The following GOLGA1 variants were observed in gnomAD, a reference collection of about 807,000 sequenced individuals.
GOLGA1 encodes golgin subfamily A member 1.
In GOLGA1, 63 loss-of-function variants were observed where a neutral mutation model predicts 119.7. The observed-to-expected ratio is 0.53, with a 90% confidence interval of 0.43 to 0.65. The LOEUF is 0.65. Ranked by LOEUF, GOLGA1 falls within the 30% of genes least tolerant of loss-of-function variation. GOLGA1 has a pLI of 0.00. For missense variants in GOLGA1, 798 were observed against 912.8 expected, an observed-to-expected ratio of 0.87 and a Z score of 1.62; for synonymous variants, 318 against 333.4, an observed-to-expected ratio of 0.95 and a Z score of 0.50.
Position 124,938,566 on chromosome 9 carries a change from A to C in GOLGA1, c.135+11T>G. 6.2e-7 allele frequency: 1 copy of C among 1,602,022 alleles called. No homozygotes were observed. Among genetic ancestry groups the C allele is most frequent in the Non-Finnish European group, 8.5e-7 (1 of 1,171,932 alleles). ...CAAAAGTATCTTTATTTCTTAAGTA[A>C]AGGTACTTACAAAGTCATCTCCTGA... On this transcript the variant is annotated intron_variant, in intron 3 of 22. Transcript: ENST00000373555.
intron 7 of GOLGA1, among the ~76,000 whole-genome samples, chr9:124,923,506 T>A (rs896107624): frequency 7.9e-5 from 12 of 152,196 alleles, no homozygotes; most frequent in Admixed American, 1.3e-4. Context: ...GATGCATTGA[T>A]AATGGAAAGC....
intron 1 of GOLGA1, chr9:124,947,438 C>T (rs535607428): frequency 1.3e-5 from 2 of 152,192 alleles, no homozygotes; most frequent in Admixed American, 1.3e-4. Context: ...CTAATTTCAA[C>T]TCCAAATTAG....
At chr9:124,930,916 C>T (rs1830759276) in intron 4 of GOLGA1, among the ~76,000 whole-genome samples, 1 of 152,188 alleles carries the variant, frequency 6.6e-6, no homozygotes. Flanking sequence ...GTATGAGCTG[C>T]AGGAAGTGGC....
At chr9:124,932,797 C>A (rs1292652851) in intron 3 of GOLGA1, among the ~76,000 whole-genome samples, 1 of 152,152 alleles carries the variant, frequency 6.6e-6, no homozygotes, top group East Asian at 1.9e-4. Flanking sequence ...AGTGAAGACC[C>A]ACTTTCTGGT....
At chr9:124,937,873 A>G (rs1830908297) in intron 3 of GOLGA1, among the ~76,000 whole-genome samples, 1 of 152,066 alleles carries the variant, frequency 6.6e-6, no homozygotes, top group South Asian at 2.1e-4. Flanking sequence ...GCCTGAGCTC[A>G]GGAGTTTGAG....
At chr9:124,899,214 C>T (rs1830045759) in intron 14 of GOLGA1, 115 bp downstream of exon 14, 10 of 934,496 alleles carry the variant, frequency 1.1e-5, no homozygotes, top group Non-Finnish European at 1.6e-5. Context: ...AAAAAGCTGC[C>T]TTCTAAAGTG....
intron 3 of GOLGA1, among the ~76,000 whole-genome samples, chr9:124,938,366 C>G (rs745416556): frequency 1.7e-5 from 2 of 118,844 alleles, no homozygotes; most frequent in Non-Finnish European, 3.4e-5. Flanking sequence ...TGGAGAGGAA[C>G]TCACAGAAAA....
chr9:124,890,364 C>G, intron 16 of GOLGA1, 25 bp downstream of exon 16: 2 of 1,491,162 alleles, frequency 1.3e-6, no homozygotes, highest in South Asian at 1.1e-5. Context: ...GGGGACATCG[C>G]CCCTCAGCGT....
At chr9:124,895,362 G>GA (rs1383784296) in intron 15 of GOLGA1, among the ~76,000 whole-genome samples, 1 of 135,704 alleles carries the variant, frequency 7.4e-6, no homozygotes, top group South Asian at 2.5e-4. Context: ...CTCCACAACA[G>GA]ACTCTCCACA....
At chr9:124,913,272 G>A (rs1239824899) in intron 10 of GOLGA1, among the ~76,000 whole-genome samples, 2 of 152,030 alleles carry the variant, frequency 1.3e-5, no homozygotes, top group Admixed American at 1.3e-4. Context: ...GATGAGACAC[G>A]GAGCCTAACC....
intron 11 of GOLGA1, among the ~76,000 whole-genome samples, chr9:124,909,404 G>A (rs1830295684): frequency 6.6e-6 from 1 of 151,292 alleles, no homozygotes; most frequent in Non-Finnish European, 1.5e-5. Context: ...TCAGAAGTTC[G>A]AGACCAGCCT....
intron 13 of GOLGA1, 130 bp from the exon 14 acceptor site, chr9:124,899,608 T>C (rs1830056769): frequency 2.2e-6 from 2 of 903,200 alleles, no homozygotes; most frequent in East Asian, 5.3e-5. Flanking sequence ...CCCCCTGGCG[T>C]TGCTGAGGTC....
At chr9:124,908,900 T>C (rs1156280276) in intron 11 of GOLGA1, among the ~76,000 whole-genome samples, 2 of 152,158 alleles carry the variant, frequency 1.3e-5, no homozygotes, top group Non-Finnish European at 2.9e-5. Context: ...AAAATGATGA[T>C]GGGTTTAGGT....
chr9:124,914,164 A>G (rs1305018963), intron 10 of GOLGA1, among the ~76,000 whole-genome samples: 1 of 152,194 alleles, frequency 6.6e-6, no homozygotes, highest in African/African-American at 2.4e-5. Flanking sequence ...GTAATATAGC[A>G]GAAGCAGCTA....
chr9:124,890,011 T>C (rs1829819176), intron 16 of GOLGA1, among the ~76,000 whole-genome samples: 1 of 152,200 alleles, frequency 6.6e-6, no homozygotes, highest in South Asian at 2.1e-4. Flanking sequence ...ATGCAAAGTC[T>C]ACCTTCAAGG....
chr9:124,915,979 A>G (rs1830433893), intron 10 of GOLGA1, among the ~76,000 whole-genome samples: 1 of 151,234 alleles, frequency 6.6e-6, no homozygotes, highest in Non-Finnish European at 1.5e-5. Flanking sequence ...GCATGTGCCT[A>G]TAGTCCCAGC....
At chr9:124,907,298 T>C (rs1171524660) in intron 12 of GOLGA1, among the ~76,000 whole-genome samples, 1 of 152,216 alleles carries the variant, frequency 6.6e-6, no homozygotes, top group African/African-American at 2.4e-5. Flanking sequence ...AATTTCTCCA[T>C]ATTTAGATCC....
At chr9:124,917,635 G>A (rs1023187460) in intron 10 of GOLGA1, among the ~76,000 whole-genome samples, 8 of 152,082 alleles carry the variant, frequency 5.3e-5, no homozygotes, top group African/African-American at 1.2e-4. Context: ...GTCTCCTAAC[G>A]GCCAGAGTAA....
At chr9:124,912,159 C>T (rs1588080471) in intron 10 of GOLGA1, 133 bp from the exon 11 acceptor site, 4 of 761,640 alleles carry the variant, frequency 5.3e-6, no homozygotes, top group South Asian at 3.8e-5. Flanking sequence ...GCTAAGAGAT[C>T]TTCCTGAAAA....
Sources: allele counts gnomAD v4.1 joint callset (sites outside exome capture counted in the v4.1 genomes callset), GRCh38; gene constraint gnomAD v4.1.1; transcripts MANE v1.5; gene names NCBI Gene and HGNC (gene_info 2026-07-23, HGNC 2026-07-21).